The following SERINC5 variants were observed in gnomAD, a reference collection of about 807,000 sequenced individuals.
SERINC5 encodes chromosome 5 open reading frame 12.
In SERINC5, 41 loss-of-function variants were observed where a neutral mutation model predicts 63.1. The observed-to-expected ratio is 0.65, with a 90% CI of 0.51 to 0.84. SERINC5 has a LOEUF of 0.84. SERINC5 is among the 40% of genes least tolerant of loss of function. The pLI is 0.00. For synonymous variants in SERINC5, 222 were observed against 215.2 expected (o/e 1.03, Z -0.28); for missense variants, 523 against 573.0 (o/e 0.91, Z 0.89).
intron 11 of SERINC5, among the ~76,000 whole-genome samples, chr5:80,114,051 A>C (rs1744237043): frequency 6.6e-6 from 1 of 152,010 alleles, no homozygotes; most frequent in South Asian, 2.1e-4. Context: ...GACCTGCCCT[A>C]GCCCCATTTC....
chr5:80,224,945 GTTTTTT>G (rs368546307), intron 1 of SERINC5, among the ~76,000 whole-genome samples: 73,575 of 132,604 alleles, frequency 0.55, 18,692 homozygotes, highest in African/African-American at 0.65. Context: ...GTTTTTTTTT[GTTTTTT>G]TTTTTTTTAG....
intron 7 of SERINC5, among the ~76,000 whole-genome samples, chr5:80,161,327 G>T (rs1162794644): frequency 6.6e-6 from 1 of 152,046 alleles, no homozygotes. Context: ...CAGTATAAGT[G>T]TTTCCGTTTC....
At chr5:80,179,711 C>T (rs1227965536) in intron 2 of SERINC5, among the ~76,000 whole-genome samples, 2 of 152,160 alleles carry the variant, frequency 1.3e-5, no homozygotes, top group Non-Finnish European at 2.9e-5. Context: ...CAAAAAAATC[C>T]AGAATGCTTC....
chr5:80,151,657 A>G (rs182055089), intron 8 of SERINC5, among the ~76,000 whole-genome samples: 49 of 152,344 alleles, frequency 3.2e-4, no homozygotes, highest in Admixed American at 2.2e-3. Context: ...TCTACAAAAC[A>G]AAAACACAGA....
chr5:80,138,960 T>C lies in SERINC5; in HGVS notation c.*4703A>G, dbSNP rs1228369644. ...TTGAGTTTTTTATATAGGAAAAGCC[T>C]AGTCAATTCAGATGCTTTCTAGAAA... On this transcript the variant is annotated 3_prime_UTR_variant, in exon 12 of 12. Coordinates refer to ENST00000507668, the MANE Select transcript of SERINC5 (RefSeq NM_001174072.3). 2 of 974,900 alleles carry C rather than the reference T, an allele frequency of 2.1e-6. No homozygotes were observed. The highest frequency in any genetic ancestry group is 2.4e-6 in the Non-Finnish European group (2 of 820,496). 60.4% of individuals were successfully genotyped at this position (974,900 alleles called of 1,614,324 possible).
At chr5:80,128,716 A>G (rs1216243665) in intron 11 of SERINC5, among the ~76,000 whole-genome samples, 1 of 152,222 alleles carries the variant, frequency 6.6e-6, no homozygotes, top group Admixed American at 6.5e-5. Context: ...CATTGTGAGA[A>G]TTATGCCAAG....
At chr5:80,173,063 C>T (rs185235342) in intron 5 of SERINC5, among the ~76,000 whole-genome samples, 39 of 152,158 alleles carry the variant, frequency 2.6e-4, no homozygotes, top group African/African-American at 8.4e-4. Context: ...CTCCATCCCC[C>T]AAACCTGCTA....
At chr5:80,254,002 C>G (rs986271986) in intron 1 of SERINC5, among the ~76,000 whole-genome samples, 24 of 152,196 alleles carry the variant, frequency 1.6e-4, no homozygotes, top group African/African-American at 5.3e-4. Flanking sequence ...GTGATCTCAG[C>G]TCACCACAAC....
chr5:80,138,952 G>GA lies in SERINC5; in HGVS notation c.*4710dup, dbSNP rs1455170794. The GA allele has an allele frequency of 4.0e-5, 39 of 974,232 alleles. No individual in the cohort carries two copies. The African/African-American group carries it at 6.1e-4, about 15-fold the overall frequency. 60.3% of individuals were successfully genotyped at this position (974,232 alleles called of 1,614,324 possible). On this transcript the variant is annotated 3_prime_UTR_variant, in exon 12 of 12. Coordinates refer to ENST00000507668, the MANE Select transcript of SERINC5 (RefSeq NM_001174072.3). ...AACAAGTTTTGAGTTTTTTATATAG[G>GA]AAAAGCCTAGTCAATTCAGATGCTT...
intron 2 of SERINC5, among the ~76,000 whole-genome samples, chr5:80,199,525 G>A (rs1367236907): frequency 6.6e-6 from 1 of 152,196 alleles, no homozygotes; most frequent in Non-Finnish European, 1.5e-5. Flanking sequence ...TTTCTCAAAT[G>A]ATCCGTTAAC....
At chr5:80,181,226 C>T (rs750936807) in intron 2 of SERINC5, among the ~76,000 whole-genome samples, 9 of 152,094 alleles carry the variant, frequency 5.9e-5, no homozygotes, top group African/African-American at 1.9e-4. Flanking sequence ...TTCCTTTACA[C>T]AAACAAACAA....
At chr5:80,164,917 T>G (rs1001587117) in intron 7 of SERINC5, among the ~76,000 whole-genome samples, 2 of 136,898 alleles carry the variant, frequency 1.5e-5, no homozygotes, top group Non-Finnish European at 3.1e-5. Context: ...TCTGTTTTTT[T>G]TTTTTTTTTT....
rs773258415 is a variant in SERINC5 at position 80,255,970 on chromosome 5, C to A, written c.-48G>T. 6.7e-7 allele frequency: 1 copy of A among 1,494,050 alleles called. No individual in the cohort carries two copies. Among genetic ancestry groups the A allele is most frequent in the South Asian group, 1.3e-5 (1 of 78,986 alleles). The allele number at this position is 1,494,050 out of a possible 1,614,324, so 92.5% of individuals were successfully genotyped here. On this transcript the variant is annotated 5_prime_UTR_variant, in exon 1 of 12. Transcript: ENST00000507668. ...GCGCTCGCTGGCTCCCCGCGCCGCACGGGCCCTCCTGGCTGCCTCGCGCCT... is the reference window on the plus strand; with the variant it reads ...GCGCTCGCTGGCTCCCCGCGCCGCAAGGGCCCTCCTGGCTGCCTCGCGCCT...
chr5:80,203,268 A>ATATG (rs1191528506), intron 1 of SERINC5: 5 of 206,282 alleles, frequency 2.4e-5, no homozygotes, highest in Non-Finnish European at 4.8e-5. Flanking sequence ...ATATATATAT[A>ATATG]TATGTGTATA....
At chr5:80,180,281 T>G (rs1748331246) in intron 2 of SERINC5, among the ~76,000 whole-genome samples, 1 of 152,194 alleles carries the variant, frequency 6.6e-6, no homozygotes, top group Admixed American at 6.5e-5. Flanking sequence ...AACATCAAAG[T>G]TGAACACTCT....
At chr5:80,123,189 G>C (rs1230572000) in intron 11 of SERINC5, among the ~76,000 whole-genome samples, 1 of 152,170 alleles carries the variant, frequency 6.6e-6, no homozygotes, top group Non-Finnish European at 1.5e-5. Flanking sequence ...TCAAAATCGT[G>C]GGCTCAAGCA....
intron 5 of SERINC5, among the ~76,000 whole-genome samples, chr5:80,171,453 C>CTGAA (rs758418035): frequency 4.9e-4 from 75 of 152,258 alleles, no homozygotes; most frequent in Middle Eastern, 3.4e-3. Context: ...ATTCCCTGTA[C>CTGAA]TGAAGAGAAG....
chr5:80,167,911 T>C (rs1480337484), intron 6 of SERINC5, among the ~76,000 whole-genome samples: 1 of 152,230 alleles, frequency 6.6e-6, no homozygotes, highest in Non-Finnish European at 1.5e-5. Flanking sequence ...AAAATTATCA[T>C]TATTAAATTG....
intron 11 of SERINC5, among the ~76,000 whole-genome samples, chr5:80,120,846 G>A (rs1226679810): frequency 6.6e-6 from 1 of 152,126 alleles, no homozygotes; most frequent in Non-Finnish European, 1.5e-5. Flanking sequence ...TTGCTATAAA[G>A]AAATACCTGA....
Sources: gnomAD v4.1 joint callset for allele counts (sites outside exome capture counted in the v4.1 genomes callset) on GRCh38, gnomAD v4.1.1 for gene constraint, MANE v1.5 for transcripts, NCBI Gene and HGNC (gene_info 2026-07-23, HGNC 2026-07-21) for gene names.